Variants in VWDE observed in about 807,000 individuals in gnomAD.
The protein encoded by VWDE is von Willebrand factor D and EGF domains, also known as von Willebrand factor D and EGF domain-containing protein.
A neutral mutation model predicts 178.4 loss-of-function variants in VWDE; 207 were observed. That is an observed-to-expected ratio of 1.16 (90% confidence interval 1.04 to 1.30). The LOEUF (loss-of-function observed/expected upper bound fraction) is 1.30. Among genes scored for constraint, VWDE ranks in the 50% most tolerant of loss-of-function variants. The pLI is 0.00. For synonymous variants in VWDE, 738 were observed against 651.4 expected, an observed-to-expected ratio of 1.13 and a Z score of -2.02; for missense variants, 2,287 against 1,901.3, an observed-to-expected ratio of 1.20 and a Z score of -3.77.
Position 12,333,581 on chromosome 7 carries a change from A to G in VWDE, c.4655-13T>C. 1 of 1,510,864 alleles carries G rather than the reference A, an allele frequency of 6.6e-7. No homozygotes were observed. The highest frequency in any genetic ancestry group is 2.5e-5 in the East Asian group (1 of 40,642). 93.6% of individuals were successfully genotyped at this position (1,510,864 alleles called of 1,614,324 possible). A position where few individuals can be genotyped will look rare whatever the true frequency, so the allele number is the denominator to read the frequency against. ...GGGTTGCAAATTGCTGCAATACACA[A>G]ATTTTTACAATGACCATCCTTTGAC... On this transcript the variant is annotated splice_polypyrimidine_tract_variant and intron_variant, in intron 27 of 28. Transcript: ENST00000275358.
Position 12,359,573 on chromosome 7 carries a change from C to T in VWDE, c.3274+5G>A. 2 of 1,526,060 alleles carry T rather than the reference C, an allele frequency of 1.3e-6. No individual in the cohort carries two copies. Among genetic ancestry groups the T allele is most frequent in the South Asian group, 1.2e-5 (1 of 82,620 alleles). The allele number at this position is 1,526,060 out of a possible 1,614,324, so 94.5% of individuals were successfully genotyped here. On this transcript the variant is annotated splice_donor_5th_base_variant and intron_variant, in intron 16 of 28. Transcript: ENST00000275358. ...AAATATTTGGATTAATAAAGAGTAA[C>T]TTACTTTCTAAAAATGACCAAGTAA... is the stretch of plus-strand genomic sequence containing the variant.
chr7:12,363,352 A>T (rs1782683759), intron 13 of VWDE, among the ~76,000 whole-genome samples: 1 of 152,074 alleles, frequency 6.6e-6, no homozygotes, highest in Admixed American at 6.6e-5. Flanking sequence ...CAGGAAGTTC[A>T]AGCCTACAAA....
intron 18 of VWDE, chr7:12,354,234 T>C: frequency 1.6e-5 from 5 of 314,616 alleles, no homozygotes; most frequent in East Asian, 8.9e-5. Flanking sequence ...GTTCAATGCA[T>C]GACACTTAAT....
chr7:12,354,517 T>G, intron 18 of VWDE: 1 of 320,906 alleles, frequency 3.1e-6, no homozygotes, highest in South Asian at 2.5e-5. Flanking sequence ...AGAGCTCAGA[T>G]TATTTAATTT....
intron 10 of VWDE, among the ~76,000 whole-genome samples, chr7:12,371,401 C>G (rs984056345): frequency 6.6e-6 from 1 of 152,006 alleles, no homozygotes; most frequent in Non-Finnish European, 1.5e-5. Flanking sequence ...CTGAATGACC[C>G]TAGTAGCCTG....
intron 19 of VWDE, among the ~76,000 whole-genome samples, chr7:12,346,605 C>T (rs941354767): frequency 6.6e-6 from 1 of 150,452 alleles, no homozygotes; most frequent in Non-Finnish European, 1.5e-5. Context: ...CATTTTTACA[C>T]ATCTTTTTGG....
Position 12,374,673 on chromosome 7 carries a change from A to G in VWDE, c.1316+16T>C, listed in dbSNP as rs905986093. ...GCAAACAAAACTACTAAAAGAAGAA[A>G]CTTTCAGAAAATTACCTGCCATCAA... On this transcript the variant is annotated intron_variant, in intron 9 of 28. Coordinates refer to ENST00000275358, the MANE Select transcript of VWDE (RefSeq NM_001135924.3). 6.6e-7 allele frequency: 1 copy of G among 1,506,380 alleles called. No homozygotes were observed. 93.3% of individuals were successfully genotyped at this position (1,506,380 alleles called of 1,614,324 possible). A position where few individuals can be genotyped will look rare whatever the true frequency, so the allele number is the denominator to read the frequency against.
Position 12,369,807 on chromosome 7 carries a change from A to G in VWDE, c.2499T>C (p.Ser833=). 1 of 1,551,414 alleles carries G rather than the reference A, an allele frequency of 6.4e-7. No homozygotes were observed. The highest frequency in any genetic ancestry group is 8.7e-7 in the Non-Finnish European group (1 of 1,146,874). Reference sequence around the variant, plus strand: ...CATCCTTCACACACATCTCTATAACACTGTCTAATCTCTTGCCAAGAAAAG... The same window carrying G: ...CATCCTTCACACACATCTCTATAACGCTGTCTAATCTCTTGCCAAGAAAAG... ...CLAFLGKRLD[S]VIEMCVKDVL... The change falls in exon 12 of 29, where the codon AGT becomes AGC. Residue 833 remains serine (S), a synonymous_variant. Coordinates refer to ENST00000275358, the MANE Select transcript of VWDE (RefSeq NM_001135924.3).
intron 1 of VWDE, among the ~76,000 whole-genome samples, chr7:12,399,801 G>C (rs1238282227): frequency 6.6e-6 from 1 of 151,974 alleles, no homozygotes; most frequent in Non-Finnish European, 1.5e-5. Context: ...AGGCAACATA[G>C]TAAGATCCTA....
intron 1 of VWDE, among the ~76,000 whole-genome samples, chr7:12,394,642 C>A (rs1784544054): frequency 6.6e-6 from 1 of 152,112 alleles, no homozygotes; most frequent in Non-Finnish European, 1.5e-5. Context: ...AAATAATAAG[C>A]ACCACAAGGA....
intron 21 of VWDE, 37 bp from the exon 22 acceptor site, chr7:12,343,215 A>C (rs1781422429): frequency 2.1e-6 from 3 of 1,459,164 alleles, no homozygotes; most frequent in Non-Finnish European, 2.8e-6. Flanking sequence ...TCAGTTCTTA[A>C]TTTTTAAAAA....
chr7:12,370,903 A>G (rs1783161205), intron 10 of VWDE, 39 bp from the exon 11 acceptor site: 2 of 1,431,928 alleles, frequency 1.4e-6, no homozygotes, highest in African/African-American at 1.4e-5. Context: ...AAAGATGTTG[A>G]AGCAATATTC....
chr7:12,357,203 T>C lies in VWDE; in HGVS notation c.3525+62A>G, dbSNP rs1007143139. On this transcript the variant is annotated intron_variant, in intron 17 of 28. Transcript: ENST00000275358. ...TAGCAATATGGCTTGTATTTTAAAT[T>C]CAAATAAAGTTGTTAAAATTGCAAA... 1.5e-5 allele frequency: 23 copies of C among 1,512,314 alleles called. No individual in the cohort carries two copies. In the Admixed American group the frequency reaches 3.9e-4, roughly 26 times the overall value. 93.7% of individuals were successfully genotyped at this position (1,512,314 alleles called of 1,614,324 possible).
chr7:12,362,750 T>A (rs1484198378), intron 13 of VWDE, among the ~76,000 whole-genome samples: 1 of 152,104 alleles, frequency 6.6e-6, no homozygotes, highest in African/African-American at 2.4e-5. Context: ...TTTTGAAGAT[T>A]TGATGATTGA....
intron 1 of VWDE, among the ~76,000 whole-genome samples, chr7:12,402,186 T>C (rs1031466924): frequency 1.3e-4 from 20 of 152,226 alleles, no homozygotes; most frequent in Non-Finnish European, 2.8e-4. Flanking sequence ...GCCCAGGGTA[T>C]AGTATTTCTT....
chr7:12,340,756 G>T (rs987580763), intron 23 of VWDE, among the ~76,000 whole-genome samples: 1 of 152,146 alleles, frequency 6.6e-6, no homozygotes, highest in African/African-American at 2.4e-5. Context: ...CCTTCACTAA[G>T]CTAGAAGAAA....
chr7:12,344,202 A>C lies in VWDE; in HGVS notation c.4071T>G (p.Cys1357Trp). 6.4e-7 allele frequency: 1 copy of C among 1,550,916 alleles called. No homozygotes were observed. Among genetic ancestry groups the C allele is most frequent in the South Asian group, 1.2e-5 (1 of 83,998 alleles). The change falls in exon 21 of 29, where the codon TGT (cysteine) becomes TGG (tryptophan). Residue 1357 changes from cysteine (C) to tryptophan (W), a missense_variant. Cys to Trp is a radical substitution (Grantham distance 215). Transcript: ENST00000275358. ...QCLPGHGGAT[C>W]DEEHCNPPCQ... ...TTTAATTTGAATTATCACCTTCATCACAGGTTGCTCCACCATGTCCTGGAA... is the reference window on the plus strand; with the variant it reads ...TTTAATTTGAATTATCACCTTCATCCCAGGTTGCTCCACCATGTCCTGGAA...
intron 2 of VWDE, among the ~76,000 whole-genome samples, chr7:12,391,265 C>T (rs1784378022): frequency 6.6e-6 from 1 of 152,062 alleles, no homozygotes; most frequent in African/African-American, 2.4e-5. Flanking sequence ...TTATGTAATG[C>T]ATAAGCATTA....
intron 19 of VWDE, among the ~76,000 whole-genome samples, chr7:12,351,110 G>A (rs1420142737): frequency 6.6e-6 from 1 of 152,112 alleles, no homozygotes; most frequent in African/African-American, 2.4e-5. Context: ...ACAGAATGCA[G>A]AGGCATAAAG....
Sources: allele counts gnomAD v4.1 joint callset (sites outside exome capture counted in the v4.1 genomes callset), GRCh38; gene constraint gnomAD v4.1.1; transcripts MANE v1.5; gene names NCBI Gene and HGNC (gene_info 2026-07-23, HGNC 2026-07-21).